Variants in THSD7B observed in about 807,000 individuals in gnomAD.
THSD7B encodes the protein thrombospondin type 1 domain containing 7B, also known as thrombospondin type-1 domain-containing protein 7B.
Under a neutral mutation model 213.6 loss-of-function variants are expected in THSD7B, and 138 were observed. The ratio of observed to expected loss-of-function variants is 0.65; its 90% CI spans 0.56 to 0.74. The LOEUF (loss-of-function observed/expected upper bound fraction) is 0.74, where lower values mean the gene tolerates loss of function less well. Ranked by LOEUF, THSD7B falls within the 30% of genes least tolerant of loss-of-function variation. THSD7B has a pLI of 0.00. For synonymous variants in THSD7B, 742 were observed against 687.0 expected (o/e 1.08, Z -1.25); for missense variants, 1,931 against 1,991.5 (o/e 0.97, Z 0.58).
rs72977557 is a variant in THSD7B, at chr2:136,851,677, T to A, written c.-35-30467T>A. On this transcript the variant is annotated intron_variant, in intron 1 of 27. Transcript: ENST00000409968. ...ACCGGGGCCTAGAGAGGGATGTTTT[T>A]CTCATGATGGCTTTGGAGATATAAG... is the stretch of plus-strand genomic sequence containing the variant. 9.7e-3 allele frequency among the ~76,000 whole-genome samples: 1,474 copies of A among 152,254 alleles called. 30 individuals carry two copies. Among genetic ancestry groups the A allele is most frequent in the African/African-American group, 0.034 (1,415 of 41,550 alleles).
At chr2:137,221,647 T>C (rs2105045040) in intron 7 of THSD7B, among the ~76,000 whole-genome samples, 1 of 152,358 alleles carries the variant, frequency 6.6e-6, no homozygotes, top group African/African-American at 2.4e-5. Context: ...AGAATATTTT[T>C]GGGGTGTTAT....
chr2:137,164,546 T>C (rs937395730), intron 6 of THSD7B, among the ~76,000 whole-genome samples: 12 of 152,134 alleles, frequency 7.9e-5, no homozygotes, highest in Non-Finnish European at 1.5e-4. Flanking sequence ...ACCCAAAGGA[T>C]TATAAATCAT....
At chr2:137,624,393 A>G (rs1487258183) in intron 20 of THSD7B, among the ~76,000 whole-genome samples, 1 of 152,244 alleles carries the variant, frequency 6.6e-6, no homozygotes, top group Non-Finnish European at 1.5e-5. Flanking sequence ...AAACCTAGGC[A>G]ATACCATTCA....
chr2:137,222,655 A>G (rs1259703604), intron 7 of THSD7B, among the ~76,000 whole-genome samples: 3 of 152,200 alleles, frequency 2.0e-5, no homozygotes, highest in Non-Finnish European at 4.4e-5. Context: ...TTATACCTCA[A>G]ATACAAACAT....
chr2:136,787,782 T>G (rs1358665158), intron 1 of THSD7B, among the ~76,000 whole-genome samples: 1 of 152,098 alleles, frequency 6.6e-6, no homozygotes, highest in Non-Finnish European at 1.5e-5. Context: ...CAGTGAAATA[T>G]GAGATGATAT....
At chr2:137,206,985 C>T (rs969632729) in intron 7 of THSD7B, among the ~76,000 whole-genome samples, 2 of 151,902 alleles carry the variant, frequency 1.3e-5, no homozygotes, top group Admixed American at 1.3e-4. Flanking sequence ...TCAGGTGAGG[C>T]TTGTGGAAGG....
chr2:136,978,433 C>T (rs537612896), intron 2 of THSD7B, among the ~76,000 whole-genome samples: 3 of 152,178 alleles, frequency 2.0e-5, no homozygotes, highest in East Asian at 1.9e-4. Flanking sequence ...TCAGTCTCTT[C>T]GTAGGTCTCC....
intron 12 of THSD7B, among the ~76,000 whole-genome samples, chr2:137,326,854 A>G (rs1311725625): frequency 6.6e-6 from 1 of 152,194 alleles, no homozygotes; most frequent in Non-Finnish European, 1.5e-5. Context: ...TGCCAGAAAA[A>G]ATGGACCCCT....
rs373641745 is a variant in THSD7B at position 137,156,315 on chromosome 2, T to A, written c.1370-3898T>A. ...ATTGATTCAGTGTCTAAATGAAGCATCTTAGACTTGTCACCAGACACTGGA... is the reference window on the plus strand; with the variant it reads ...ATTGATTCAGTGTCTAAATGAAGCAACTTAGACTTGTCACCAGACACTGGA... On this transcript the variant is annotated intron_variant, in intron 5 of 27. Coordinates refer to ENST00000409968, the MANE Select transcript of THSD7B (RefSeq NM_001316349.2). The A allele has an allele frequency of 2.0e-4, 30 of 152,254 alleles. 1 individual carries two copies. In the East Asian group the frequency reaches 2.9e-3, roughly 15 times the overall value. The allele number at this position is 152,254 out of a possible 1,614,324, so 9.4% of individuals were successfully genotyped here.
Position 137,563,349 on chromosome 2 carries a change from A to T in THSD7B, c.3267A>T (p.Lys1089Asn). The change falls in exon 16 of 28, where the codon AAA becomes AAT. Residue 1089 changes from lysine (K) to asparagine (N), a missense_variant. Lys to Asn is a moderately conservative substitution (Grantham distance 94, BLOSUM62 0). Transcript: ENST00000409968. Reference protein sequence around the residue: ...LRCGGGTQSRKIRCVNTADGE... With the variant: ...LRCGGGTQSRNIRCVNTADGE... ...GTGGAGGAGGAACACAATCTAGGAA[A>T]ATCAGGTGTGTGAAAATGGAGAGAT... 1.2e-6 allele frequency: 2 copies of T among 1,612,800 alleles called. No individual in the cohort carries two copies. Among genetic ancestry groups the T allele is most frequent in the Non-Finnish European group, 1.7e-6 (2 of 1,179,360 alleles).
At chr2:137,310,219 C>G (rs1683861109) in intron 12 of THSD7B, among the ~76,000 whole-genome samples, 1 of 152,150 alleles carries the variant, frequency 6.6e-6, no homozygotes, top group South Asian at 2.1e-4. Flanking sequence ...AATGTTATCT[C>G]ACTGTGGTTT....
intron 1 of THSD7B, among the ~76,000 whole-genome samples, chr2:136,876,667 T>C (rs1313842147): frequency 1.3e-5 from 2 of 152,238 alleles, no homozygotes; most frequent in Non-Finnish European, 2.9e-5. Flanking sequence ...GTGAAATATC[T>C]ATAATCTAGT....
chr2:137,662,216 C>T (rs1338142457), intron 25 of THSD7B, among the ~76,000 whole-genome samples: 28 of 148,216 alleles, frequency 1.9e-4, no homozygotes, highest in African/African-American at 4.5e-4. Flanking sequence ...ATGCCCGCCA[C>T]GACGCCCGGC....
chr2:137,194,662 T>C (rs1680724420), intron 7 of THSD7B, among the ~76,000 whole-genome samples: 1 of 152,220 alleles, frequency 6.6e-6, no homozygotes, highest in African/African-American at 2.4e-5. Flanking sequence ...CTTTTCAAGA[T>C]TATTCCTATT....
intron 17 of THSD7B, among the ~76,000 whole-genome samples, chr2:137,596,457 C>T (rs1169850248): frequency 1.3e-5 from 2 of 151,962 alleles, no homozygotes; most frequent in African/African-American, 4.8e-5. Context: ...GCCCAAAACT[C>T]CTGAAACCAA....
At chr2:137,008,562 A>G (rs1686160804) in intron 2 of THSD7B, among the ~76,000 whole-genome samples, 1 of 152,000 alleles carries the variant, frequency 6.6e-6, no homozygotes, top group Admixed American at 6.6e-5. Context: ...AATAAGATTA[A>G]TTTTCACTAT....
intron 5 of THSD7B, among the ~76,000 whole-genome samples, chr2:137,141,083 G>T (rs934184726): frequency 3.3e-5 from 5 of 152,160 alleles, no homozygotes; most frequent in African/African-American, 9.6e-5. Flanking sequence ...CCCAAGGAGG[G>T]TTTCTCACAT....
At chr2:137,419,961 C>CA (rs1424443684) in intron 14 of THSD7B, among the ~76,000 whole-genome samples, 1 of 152,034 alleles carries the variant, frequency 6.6e-6, no homozygotes, top group Admixed American at 6.5e-5. Context: ...AATATATACT[C>CA]AGTACTGGAA....
intron 15 of THSD7B, among the ~76,000 whole-genome samples, chr2:137,488,325 A>G (rs1206492681): frequency 1.3e-5 from 2 of 152,170 alleles, no homozygotes. Context: ...TACACATTAT[A>G]TTTATACACC....
Sources: gnomAD v4.1 joint callset for allele counts (sites outside exome capture counted in the v4.1 genomes callset) on GRCh38, gnomAD v4.1.1 for gene constraint, MANE v1.5 for transcripts, NCBI Gene and HGNC (gene_info 2026-07-23, HGNC 2026-07-21) for gene names.